Variants in MYO18A observed in about 807,000 individuals in gnomAD.
MYO18A encodes unconventional myosin-XVIIIa.
In MYO18A, 78 loss-of-function variants were observed where a neutral mutation model predicts 235.8. That is an observed-to-expected ratio of 0.33 (90% CI 0.28 to 0.40). MYO18A has a LOEUF of 0.40. MYO18A is among the 10% of genes least tolerant of loss of function. The pLI, the probability that MYO18A is intolerant of heterozygous loss-of-function variation, is 1.00. For missense variants in MYO18A, 2,215 were observed against 2,699.3 expected (o/e 0.82, Z 3.98); for synonymous variants, 977 against 1,077.8 (o/e 0.91, Z 1.83).
Position 29,118,358 on chromosome 17 carries a change from G to T in MYO18A, c.1893+19C>A. ...CCCAAGGCCCAGGGCTGGCAACCCA[G>T]ACCCCACAGACCCCTCACCTTGGCC... is the stretch of plus-strand genomic sequence containing the variant. On this transcript the variant is annotated intron_variant, in intron 9 of 41. Coordinates refer to ENST00000527372, the MANE Select transcript of MYO18A (RefSeq NM_078471.4). The surrounding 1 kb of genome is among the most constrained non-coding windows in gnomAD (Gnocchi z 4.2). 6.3e-7 allele frequency: 1 copy of T among 1,598,032 alleles called. No individual in the cohort carries two copies. The highest frequency in any genetic ancestry group is 8.6e-7 in the Non-Finnish European group (1 of 1,167,848).
intron 18 of MYO18A, 95 bp downstream of exon 18, chr17:29,110,341 C>T: frequency 7.2e-7 from 1 of 1,397,736 alleles, no homozygotes; most frequent in South Asian, 1.5e-5. Flanking sequence ...GAGTGGGCAC[C>T]AGATGGCCTC....
In MYO18A at chr17:29,166,912, T is replaced by C. The variant is rs2068299040; in HGVS notation, c.29A>G (p.Asp10Gly). 1.3e-6 allele frequency: 2 copies of C among 1,548,180 alleles called. No homozygotes were observed. Among genetic ancestry groups the C allele is most frequent in the Non-Finnish European group, 1.7e-6 (2 of 1,144,616 alleles). MFNLMKKDK[D>G]KDGGRKEKKE... is the part of the protein sequence containing the mutation. ...CTTCTCCTTCCGCCCGCCATCTTTG[T>C]CCTTGTCTTTCTTCATTAGGTTAAA... The change falls in exon 2 of 42, where the codon GAC (aspartate) becomes GGC (glycine). Residue 10 changes from aspartate (D) to glycine (G), a missense_variant. Coordinates refer to ENST00000527372, the MANE Select transcript of MYO18A (RefSeq NM_078471.4).
intron 2 of MYO18A, among the ~76,000 whole-genome samples, chr17:29,159,067 T>G (rs1452876283): frequency 6.6e-6 from 1 of 152,002 alleles, no homozygotes; most frequent in Non-Finnish European, 1.5e-5. Context: ...GTACCCATAC[T>G]CAGGTCAGTG....
intron 2 of MYO18A, among the ~76,000 whole-genome samples, chr17:29,154,059 AG>A (rs1042786882): frequency 6.6e-6 from 1 of 151,968 alleles, no homozygotes; most frequent in Non-Finnish European, 1.5e-5. Flanking sequence ...CAGAAATTGG[AG>A]GGGTCTGGGA....
intron 1 of MYO18A, among the ~76,000 whole-genome samples, chr17:29,174,546 G>A (rs964564756): frequency 6.6e-6 from 1 of 152,160 alleles, no homozygotes; most frequent in East Asian, 1.9e-4. Flanking sequence ...TGGGCATGGT[G>A]GCTCACAACT....
intron 2 of MYO18A, among the ~76,000 whole-genome samples, chr17:29,150,900 G>A (rs955602233): frequency 6.6e-6 from 1 of 152,180 alleles, no homozygotes; most frequent in Non-Finnish European, 1.5e-5. Flanking sequence ...CAAACATGAA[G>A]TTGGTTGGAA....
chr17:29,128,343 T>G (rs1233768787), intron 2 of MYO18A: 1 of 1,276,034 alleles, frequency 7.8e-7, no homozygotes, highest in East Asian at 5.8e-5. Flanking sequence ...CTCACCACCT[T>G]CCTCACTGCA....
At chr17:29,151,716 T>C (rs2067967572) in intron 2 of MYO18A, among the ~76,000 whole-genome samples, 1 of 152,196 alleles carries the variant, frequency 6.6e-6, no homozygotes, top group South Asian at 2.1e-4. Context: ...GTAAGACATC[T>C]GGAATGCAGT....
chr17:29,132,157 C>T (rs768389169), intron 2 of MYO18A, among the ~76,000 whole-genome samples: 7 of 152,130 alleles, frequency 4.6e-5, no homozygotes, highest in Non-Finnish European at 1.0e-4. Flanking sequence ...GACACTGGGG[C>T]CAGGGGTTTG....
intron 12 of MYO18A, 63 bp downstream of exon 12, chr17:29,115,601 G>A: frequency 4.6e-6 from 7 of 1,514,912 alleles, no homozygotes; most frequent in Non-Finnish European, 6.2e-6. Flanking sequence ...CCGCCCCAGG[G>A]ATGGCAGCAA....
intron 15 of MYO18A, among the ~76,000 whole-genome samples, chr17:29,112,382 T>TC (rs906861296): frequency 3.3e-5 from 5 of 152,172 alleles, no homozygotes; most frequent in African/African-American, 1.2e-4. Context: ...CACTGCAGGG[T>TC]CACTCAAGGG....
Position 29,128,238 on chromosome 17 carries a change from C to T in MYO18A, c.1000-5985G>A, listed in dbSNP as rs75109453. ...GGCTTGGGACTAGAAGCTGCCTTTT[C>T]TCCCCTCTTGCTTCGAGTCGGGTGC... On this transcript the variant is annotated intron_variant, in intron 2 of 41. Transcript: ENST00000527372. 6.1e-3 allele frequency: 7,113 copies of T among 1,165,014 alleles called. 25 individuals carry two copies. Among genetic ancestry groups the T allele is most frequent in the Non-Finnish European group, 6.8e-3 (6,364 of 929,254 alleles). 72.2% of individuals were successfully genotyped at this position (1,165,014 alleles called of 1,614,324 possible).
intron 2 of MYO18A, among the ~76,000 whole-genome samples, chr17:29,150,387 C>T (rs2067941212): frequency 6.6e-6 from 1 of 152,200 alleles, no homozygotes; most frequent in Non-Finnish European, 1.5e-5. Context: ...ACATCCTTGG[C>T]GAGGAAAGGA....
At chr17:29,085,765 C>T in intron 39 of MYO18A, 117 bp from the exon 40 acceptor site, 1 of 1,059,074 alleles carries the variant, frequency 9.4e-7, no homozygotes. Context: ...AGAGCCAGCT[C>T]TGGCTGGTTG....
rs1242998056 is a variant in MYO18A, at chr17:29,097,291, G to A, written c.4162C>T (p.Arg1388Trp). 16 of 1,611,162 alleles carry A rather than the reference G, an allele frequency of 9.9e-6. No individual in the cohort carries two copies. The highest frequency in any genetic ancestry group is 1.3e-5 in the Non-Finnish European group (15 of 1,179,842). Residue 1388 changes from arginine (R) to tryptophan (W), a missense_variant, in exon 27 of 42, where the codon CGG becomes TGG. By Grantham distance (101) the Arg-to-Trp change is moderately radical. Coordinates refer to ENST00000527372, the MANE Select transcript of MYO18A (RefSeq NM_078471.4). ...TTGTCCTCAAACTCCTGCTGGAGCC[G>A]TTTCTTGGTGAAGTCCACCTCCCGC... ...AVREVDFTKK[R>W]LQQEFEDKLE...
In MYO18A at chr17:29,094,655, C is replaced by T. The variant is rs768254661; in HGVS notation, c.4705G>A (p.Glu1569Lys). ...DEQAGTIQML[E>K]QAKLRLEMEM... is the part of the protein sequence containing the mutation. ...TTGGCCAAGCCCTCCTGTACCTGTT[C>T]CAGCATCTGGATGGTCCCTGCCTGC... The change falls in exon 30 of 42, where the codon GAA becomes AAA. Residue 1569 changes from glutamate (E) to lysine (K), a missense_variant. By Grantham distance (56) the Glu-to-Lys change is moderately conservative. Coordinates refer to ENST00000527372, the MANE Select transcript of MYO18A (RefSeq NM_078471.4). 6.2e-7 allele frequency: 1 copy of T among 1,614,070 alleles called. No individual in the cohort carries two copies. Among genetic ancestry groups the T allele is most frequent in the South Asian group, 1.1e-5 (1 of 91,086 alleles).
At chr17:29,161,880 T>A (rs1598392656) in intron 2 of MYO18A, among the ~76,000 whole-genome samples, 1 of 152,348 alleles carries the variant, frequency 6.6e-6, no homozygotes, top group East Asian at 1.9e-4. Context: ...ACATCTCCCC[T>A]AATCTCACCA....
intron 40 of MYO18A, among the ~76,000 whole-genome samples, chr17:29,085,362 C>T (rs569762757): frequency 1.2e-4 from 18 of 152,350 alleles, no homozygotes; most frequent in African/African-American, 4.3e-4. Context: ...CAGGAGCCCC[C>T]CCATCCTGCC....
rs751612877 is a variant in MYO18A, at chr17:29,166,030, C to T, written c.911G>A (p.Arg304Gln). 13 of 1,613,606 alleles carry T rather than the reference C, an allele frequency of 8.1e-6. No individual in the cohort carries two copies. The African/African-American group carries it at 9.3e-5, about 12-fold the overall frequency. Residue 304 changes from arginine to glutamine, a missense_variant, in exon 2 of 42, where the codon CGG (arginine) becomes CAG (glutamine). Physicochemically the swap from Arg to Gln is conservative, Grantham distance 43. Transcript: ENST00000527372. Reference protein sequence around the residue: ...EMIRQSGDSVRLKVQPIPELS... With the variant: ...EMIRQSGDSVQLKVQPIPELS... ...CTCTGGAATGGGCTGCACCTTGAGC[C>T]GCACGCTGTCCCCTGACTGCCGGAT...
Sources: gnomAD v4.1 joint callset for allele counts (sites outside exome capture counted in the v4.1 genomes callset) on GRCh38, gnomAD v4.1.1 for gene constraint, Gnocchi (gnomAD v3.1) non-coding constraint, MANE v1.5 for transcripts, NCBI Gene and HGNC (gene_info 2026-07-23, HGNC 2026-07-21) for gene names.